The following ZNF846 variants were observed in gnomAD, a reference collection of about 807,000 sequenced individuals.
The protein encoded by ZNF846 is zinc finger protein 846, also known as zinc finger protein 420 pseudogene.
Under a neutral mutation model 16.0 loss-of-function variants are expected in ZNF846, and 15 were observed. The ratio of observed to expected loss-of-function variants is 0.94; its 90% CI spans 0.63 to 1.45. The LOEUF (loss-of-function observed/expected upper bound fraction) is 1.45, where lower values mean the gene tolerates loss of function less well. Ranked by LOEUF, ZNF846 falls within the 40% of genes most tolerant of loss-of-function variation. The pLI is 0.00. For missense variants in ZNF846, 714 were observed against 622.3 expected, an observed-to-expected ratio of 1.15 and a Z score of -1.57; for synonymous variants, 229 against 212.0, an observed-to-expected ratio of 1.08 and a Z score of -0.70.
intron 1 of ZNF846, among the ~76,000 whole-genome samples, chr19:9,766,620 G>C (rs1250792759): frequency 1.3e-5 from 2 of 152,180 alleles, no homozygotes; most frequent in East Asian, 3.9e-4. Flanking sequence ...GCTCACGCCT[G>C]TAATCCCAGC....
downstream of ZNF846, among the ~76,000 whole-genome samples, chr19:9,754,570 A>C (rs1360126759): frequency 3.4e-5 from 5 of 147,994 alleles, no homozygotes; most frequent in African/African-American, 1.3e-4. Context: ...GTCTTAAAAA[A>C]AAAAAAAAAA....
At chr19:9,775,023 C>T (rs919307400) in intron 1 of ZNF846, 60 of 1,449,050 alleles carry the variant, frequency 4.1e-5, no homozygotes, top group Non-Finnish European at 5.2e-5. Context: ...TTCAGACACC[C>T]GGCAAAGCAG....
At chr19:9,776,166 C>T (rs1382581121) in intron 1 of ZNF846, among the ~76,000 whole-genome samples, 1 of 152,204 alleles carries the variant, frequency 6.6e-6, no homozygotes, top group Non-Finnish European at 1.5e-5. Flanking sequence ...AGGAACAACA[C>T]CCGCTACTTA....
intron 1 of ZNF846, among the ~76,000 whole-genome samples, chr19:9,777,856 A>G (rs1183796487): frequency 6.6e-6 from 1 of 152,088 alleles, no homozygotes; most frequent in Non-Finnish European, 1.5e-5. Flanking sequence ...AAAAAAAGCC[A>G]GACTAAAACT....
chr19:9,778,817 A>T (rs1048346461), intron 1 of ZNF846, among the ~76,000 whole-genome samples: 5 of 151,026 alleles, frequency 3.3e-5, no homozygotes, highest in African/African-American at 1.2e-4. Flanking sequence ...AAAAAAAAAA[A>T]AAAAAAAAAA....
At chr19:9,749,546 C>CTTTTTT (rs60331343), downstream of ZNF846, among the ~76,000 whole-genome samples, 6 of 125,556 alleles carry the variant, frequency 4.8e-5, no homozygotes, top group Non-Finnish European at 4.9e-5. Context: ...ATAAGTCTTT[C>CTTTTTT]TTTTTTTTTT....
At chr19:9,773,663 TC>T (rs1488394955) in intron 1 of ZNF846, among the ~76,000 whole-genome samples, 8 of 151,974 alleles carry the variant, frequency 5.3e-5, no homozygotes, top group Non-Finnish European at 1.2e-4. Context: ...GCTCCTGTAA[TC>T]CCAACTACTC....
downstream of ZNF846, among the ~76,000 whole-genome samples, chr19:9,754,445 T>A (rs994396889): frequency 6.6e-6 from 1 of 150,574 alleles, no homozygotes; most frequent in Non-Finnish European, 1.5e-5. Context: ...GTGCCTGTAA[T>A]CCTATCTACT....
chr19:9,757,503 A>T lies in ZNF846; in HGVS notation c.1574T>A (p.Leu525Gln). 3 of 1,602,710 alleles carry T rather than the reference A, an allele frequency of 1.9e-6. No individual in the cohort carries two copies. The highest frequency in any genetic ancestry group is 2.6e-6 in the Non-Finnish European group (3 of 1,175,010). Residue 525 changes from leucine (L) to glutamine (Q), a missense_variant, in exon 6 of 6, where the codon CTA becomes CAA. Physicochemically the swap from Leu to Gln is moderately radical, Grantham distance 113. Coordinates refer to ENST00000397902, the Ensembl canonical transcript of ZNF846. ...GGTTTTTTCACATGCCTTAGTTCTT[A>T]GATGTTTAGCAAGTGCTGAAGATTG...
At chr19:9,756,382 T>TATATATATATATATAC (rs1411472302), downstream of ZNF846, 2 of 119,524 alleles carry the variant, frequency 1.7e-5, no homozygotes, top group African/African-American at 6.1e-5. Context: ...TATATATATA[T>TATATATATATATATAC]ATAAAGACAT....
At chr19:9,753,416 T>C (rs1191779514), downstream of ZNF846, among the ~76,000 whole-genome samples, 2 of 133,904 alleles carry the variant, frequency 1.5e-5, no homozygotes, top group Non-Finnish European at 3.1e-5. Context: ...CACACTGGGC[T>C]GATTTTTTTT....
rs1471923898 is a variant in ZNF846, at chr19:9,759,920, G to A, written c.252C>T (p.Thr84=). 3 of 1,612,958 alleles carry A rather than the reference G, an allele frequency of 1.9e-6. No homozygotes were observed. The Admixed American group carries it at 5.0e-5, about 27-fold the overall frequency. ...TATCTTGCAGCAGTGGGGAGCCTTT[G>A]GTTTTGAGTTGCAAATCCAATTCTG... Residue 84 remains threonine, a synonymous_variant, in exon 5 of 6, where the codon ACC becomes ACT. Transcript: ENST00000397902.
chr19:9,770,469 T>C (rs867912114), upstream of ZNF846, among the ~76,000 whole-genome samples: 3 of 150,682 alleles, frequency 2.0e-5, no homozygotes, highest in South Asian at 2.1e-4. Flanking sequence ...TTGTTGGATA[T>C]TGGGTTTTCT....
At chr19:9,754,548 G>T (rs1463529821), downstream of ZNF846, among the ~76,000 whole-genome samples, 1 of 116,108 alleles carries the variant, frequency 8.6e-6, no homozygotes, top group South Asian at 3.0e-4. Context: ...CTGGGCGACA[G>T]AGCGAGACTC....
At chr19:9,758,901 C>T in intron 5 of ZNF846, 137 bp from the exon 6 acceptor site, 1 of 736,550 alleles carries the variant, frequency 1.4e-6, no homozygotes, top group Non-Finnish European at 2.0e-6. Context: ...AGAGTTCCAG[C>T]CCCATTTTTG....
intron 1 of ZNF846, among the ~76,000 whole-genome samples, chr19:9,785,635 C>G (rs566269428): frequency 9.3e-6 from 1 of 107,776 alleles, no homozygotes; most frequent in Non-Finnish European, 2.0e-5. Flanking sequence ...TCACCCAGAC[C>G]CCGCCCCATC....
At chr19:9,770,580 A>G (rs10419441), upstream of ZNF846, among the ~76,000 whole-genome samples, 68,860 of 151,502 alleles carry the variant, frequency 0.45, 20,212 homozygotes, top group African/African-American at 0.84. Context: ...CAATAAAAAT[A>G]AGAATAGCTG....
downstream of ZNF846, among the ~76,000 whole-genome samples, chr19:9,751,736 G>T (rs1389887102): frequency 6.6e-6 from 1 of 152,012 alleles, no homozygotes; most frequent in Non-Finnish European, 1.5e-5. Context: ...CCTTGTGAAT[G>T]TACTTTGTAA....
chr19:9,762,686 C>A (rs2045249429), intron 3 of ZNF846, among the ~76,000 whole-genome samples: 1 of 152,190 alleles, frequency 6.6e-6, no homozygotes, highest in Admixed American at 6.5e-5. Context: ...GGTGTCCAAT[C>A]TTTTGGCTTC....
Sources: gnomAD v4.1 joint callset for allele counts (sites outside exome capture counted in the v4.1 genomes callset) on GRCh38, gnomAD v4.1.1 for gene constraint, MANE v1.5 for transcripts, NCBI Gene and HGNC (gene_info 2026-07-23, HGNC 2026-07-21) for gene names.